Variants in THSD7A observed in about 807,000 individuals in gnomAD.
THSD7A encodes the protein thrombospondin type 1 domain containing 7A, also known as thrombospondin type-1 domain-containing protein 7A.
Under a neutral mutation model 231.3 loss-of-function variants are expected in THSD7A, and 96 were observed. That is an observed-to-expected ratio of 0.41 (90% confidence interval 0.35 to 0.49). THSD7A has a LOEUF of 0.49. THSD7A is among the 20% of genes least tolerant of loss of function. THSD7A has a pLI of 0.05. For synonymous variants in THSD7A, 940 were observed against 743.3 expected, an observed-to-expected ratio of 1.26 and a Z score of -4.30; for missense variants, 2,290 against 2,070.2, an observed-to-expected ratio of 1.11 and a Z score of -2.06.
intron 6 of THSD7A, among the ~76,000 whole-genome samples, chr7:11,494,608 A>G (rs17632859): frequency 0.088 from 13,432 of 152,110 alleles, 720 homozygotes; most frequent in African/African-American, 0.15. Flanking sequence ...TAATATGGCA[A>G]TTCAAGTGGG....
At chr7:11,689,065 G>C (rs1212178621) in intron 1 of THSD7A, among the ~76,000 whole-genome samples, 3 of 151,766 alleles carry the variant, frequency 2.0e-5, no homozygotes, top group African/African-American at 4.8e-5. Flanking sequence ...ATATGGATAA[G>C]AATTTCTGTA....
chr7:11,433,730 CCA>C (rs1446465751), intron 13 of THSD7A, among the ~76,000 whole-genome samples: 2 of 152,024 alleles, frequency 1.3e-5, no homozygotes, highest in South Asian at 2.1e-4. Context: ...TGTCACTACC[CCA>C]CAGAGTAACA....
chr7:11,787,897 C>T (rs1157211420), intron 1 of THSD7A, among the ~76,000 whole-genome samples: 1 of 152,072 alleles, frequency 6.6e-6, no homozygotes, highest in Non-Finnish European at 1.5e-5. Flanking sequence ...CCAATTCTCA[C>T]TGCCCTAGAA....
intron 1 of THSD7A, among the ~76,000 whole-genome samples, chr7:11,794,279 C>T (rs775968940): frequency 2.0e-5 from 3 of 151,844 alleles, no homozygotes; most frequent in Non-Finnish European, 4.4e-5. Context: ...TTACTCAGAA[C>T]CTGAAAAATT....
At chr7:11,584,997 C>G (rs1791336276) in intron 4 of THSD7A, among the ~76,000 whole-genome samples, 1 of 152,116 alleles carries the variant, frequency 6.6e-6, no homozygotes, top group Non-Finnish European at 1.5e-5. Context: ...ATAAAGGGAA[C>G]AGTAAATATA....
intron 6 of THSD7A, among the ~76,000 whole-genome samples, chr7:11,521,181 C>T (rs1286120144): frequency 6.6e-6 from 1 of 151,884 alleles, no homozygotes; most frequent in Non-Finnish European, 1.5e-5. Context: ...TATATGAATA[C>T]ATACATACTA....
intron 1 of THSD7A, among the ~76,000 whole-genome samples, chr7:11,769,151 A>ATTTTTTTTTTTT (rs1422492872): frequency 5.6e-5 from 2 of 35,490 alleles, no homozygotes; most frequent in African/African-American, 8.8e-5. Flanking sequence ...ATATATATAT[A>ATTTTTTTTTTTT]TATTTTTTTT....
chr7:11,379,229 T>A lies in THSD7A; in HGVS notation c.4642A>T (p.Ser1548Cys), dbSNP rs756493830. 6.2e-7 allele frequency: 1 copy of A among 1,613,666 alleles called. No homozygotes were observed. Among genetic ancestry groups the A allele is most frequent in the Non-Finnish European group, 8.5e-7 (1 of 1,179,658 alleles). ...ATAAGTGTGCATTGCTCAAGGGTGC[T>A]GTTAGAAGACATGACTTCAGTGTAC... ...EGYTEVMSSN[S>C]TLEQCTLIPV... The change falls in exon 26 of 28, where the codon AGC becomes TGC. Residue 1548 changes from serine to cysteine, a missense_variant. By Grantham distance (112) the Ser-to-Cys change is moderately radical. Transcript: ENST00000423059.
intron 11 of THSD7A, among the ~76,000 whole-genome samples, chr7:11,449,013 G>A (rs982156475): frequency 6.6e-6 from 1 of 152,022 alleles, no homozygotes; most frequent in Non-Finnish European, 1.5e-5. Context: ...ACCCCCTTGA[G>A]GGAGGACACA....
chr7:11,444,361 T>C lies in THSD7A; in HGVS notation c.3064+1700A>G, dbSNP rs1421445286. Among the ~76,000 whole-genome samples the C allele has an allele frequency of 6.6e-6, 1 of 152,158 alleles. No individual in the cohort carries two copies. Among genetic ancestry groups the C allele is most frequent in the African/African-American group, 2.4e-5 (1 of 41,442 alleles). On this transcript the variant is annotated intron_variant, in intron 13 of 27. Coordinates refer to ENST00000423059, the MANE Select transcript of THSD7A (RefSeq NM_015204.3). This position sits in a 1 kb window ranked among gnomAD's most constrained non-coding sequence, Gnocchi z 4.2. ...AAGACACATGCACACGTATGTTTAC[T>C]GTGGCACTGTTCACAATAGCAAAGA...
chr7:11,754,368 A>C (rs1782607690), intron 1 of THSD7A, among the ~76,000 whole-genome samples: 1 of 152,064 alleles, frequency 6.6e-6, no homozygotes, highest in Non-Finnish European at 1.5e-5. Context: ...AGGAAAATTC[A>C]CTGAAGTGAC....
At chr7:11,689,015 GA>G (rs907425180) in intron 1 of THSD7A, among the ~76,000 whole-genome samples, 63 of 151,848 alleles carry the variant, frequency 4.1e-4, no homozygotes, top group African/African-American at 1.5e-3. Flanking sequence ...TCTCAAATGG[GA>G]AAAAAACATT....
chr7:11,494,195 T>C (rs1397243392), intron 6 of THSD7A, among the ~76,000 whole-genome samples: 13 of 152,044 alleles, frequency 8.6e-5, no homozygotes, highest in African/African-American at 1.2e-4. Flanking sequence ...TAAAGACATA[T>C]TGAGTTTTAA....
At chr7:11,759,534 G>A (rs1015999790) in intron 1 of THSD7A, among the ~76,000 whole-genome samples, 4 of 151,916 alleles carry the variant, frequency 2.6e-5, no homozygotes, top group African/African-American at 9.7e-5. Flanking sequence ...AATATAGAAA[G>A]AATAAGGGAA....
chr7:11,434,079 C>T (rs1583732763), intron 13 of THSD7A, among the ~76,000 whole-genome samples: 1 of 151,996 alleles, frequency 6.6e-6, no homozygotes, highest in East Asian at 1.9e-4. Context: ...TACTAGTGAA[C>T]TGCTAGAAAA....
chr7:11,487,920 G>A (rs948897768), intron 6 of THSD7A, among the ~76,000 whole-genome samples: 3 of 150,190 alleles, frequency 2.0e-5, no homozygotes, highest in African/African-American at 7.3e-5. Context: ...AACGCCTCTT[G>A]AGTTATCCTG....
chr7:11,433,708 G>A (rs892644586), intron 13 of THSD7A, among the ~76,000 whole-genome samples: 1 of 151,928 alleles, frequency 6.6e-6, no homozygotes, highest in Non-Finnish European at 1.5e-5. Flanking sequence ...AGAATCACCT[G>A]GTGGCCTTAC....
chr7:11,829,920 G>A (rs1243070375), intron 1 of THSD7A, among the ~76,000 whole-genome samples: 3 of 151,568 alleles, frequency 2.0e-5, no homozygotes, highest in South Asian at 2.1e-4. Flanking sequence ...CATCACACTA[G>A]CTTACATTTG....
At chr7:11,552,407 G>A (rs968853196) in intron 4 of THSD7A, among the ~76,000 whole-genome samples, 18 of 151,894 alleles carry the variant, frequency 1.2e-4, no homozygotes, top group African/African-American at 3.1e-4. Flanking sequence ...CTTCGTGGCC[G>A]TTTTTTAAAA....
Sources: allele counts gnomAD v4.1 joint callset (sites outside exome capture counted in the v4.1 genomes callset), GRCh38; gene constraint gnomAD v4.1.1; non-coding constraint Gnocchi (gnomAD v3.1); transcripts MANE v1.5; gene names NCBI Gene and HGNC (gene_info 2026-07-23, HGNC 2026-07-21).